Variants in MAMDC2 observed in about 807,000 individuals in gnomAD.
MAMDC2 encodes MAM domain containing 2, also known as MAM domain-containing protein 2.
In MAMDC2, 57 loss-of-function variants were observed where a neutral mutation model predicts 89.8. The observed-to-expected ratio is 0.63, with a 90% CI of 0.51 to 0.79. The LOEUF is 0.79. Among genes scored for constraint, MAMDC2 ranks in the 30% least tolerant of loss-of-function variants. MAMDC2 has a pLI of 0.00. For synonymous variants in MAMDC2, 313 were observed against 293.4 expected, an observed-to-expected ratio of 1.07 and a Z score of -0.68; for missense variants, 800 against 820.6, an observed-to-expected ratio of 0.97 and a Z score of 0.31.
chr9:70,200,078 G>A (rs1563996658), intron 11 of MAMDC2, among the ~76,000 whole-genome samples: 1 of 150,720 alleles, frequency 6.6e-6, no homozygotes, highest in East Asian at 2.0e-4. Flanking sequence ...TGTCAATTTT[G>A]GCTTTTGTTG....
intron 2 of MAMDC2, among the ~76,000 whole-genome samples, chr9:70,077,021 C>T (rs535099418): frequency 6.6e-6 from 1 of 152,218 alleles, no homozygotes; most frequent in South Asian, 2.1e-4. Context: ...TTTTTCTTTA[C>T]TTAAATAATA....
intron 2 of MAMDC2, among the ~76,000 whole-genome samples, chr9:70,079,941 T>C (rs1416847739): frequency 6.6e-6 from 1 of 152,218 alleles, no homozygotes; most frequent in Non-Finnish European, 1.5e-5. Context: ...AGCTTCTTGG[T>C]GGTTAGATGT....
At chr9:70,157,306 T>C (rs1335695871) in intron 9 of MAMDC2, among the ~76,000 whole-genome samples, 15 of 152,246 alleles carry the variant, frequency 9.9e-5, no homozygotes, top group Admixed American at 9.8e-4. Flanking sequence ...TCTGAGCTCA[T>C]AGACCAAATA....
At chr9:70,059,358 G>A (rs543631513) in intron 2 of MAMDC2, among the ~76,000 whole-genome samples, 44 of 151,710 alleles carry the variant, frequency 2.9e-4, no homozygotes, top group African/African-American at 9.0e-4. Flanking sequence ...AGAAACTAGG[G>A]TTTAGATAGT....
rs574714416 is a variant in MAMDC2, at chr9:70,051,158, AC to A, written c.148+6462del. ...TTGAGTTCTCTTGCCTGACCCCTCC[AC>A]TTGAGATTTAACCCAACTGGGGTGG... On this transcript the variant is annotated intron_variant, in intron 2 of 13. Transcript: ENST00000377182. Among the ~76,000 whole-genome samples, 139 of 152,156 alleles carry A rather than the reference AC, an allele frequency of 9.1e-4. 1 individual carries two copies. The highest frequency in any genetic ancestry group is 3.2e-3 in the African/African-American group (134 of 41,520).
chr9:70,207,457 C>T (rs1486554023), intron 11 of MAMDC2, among the ~76,000 whole-genome samples: 1 of 152,122 alleles, frequency 6.6e-6, no homozygotes, highest in Non-Finnish European at 1.5e-5. Context: ...ATATCCTTTG[C>T]CCACTTTTTG....
chr9:70,160,214 GA>G (rs200082583), intron 9 of MAMDC2, among the ~76,000 whole-genome samples: 3 of 146,438 alleles, frequency 2.0e-5, no homozygotes, highest in Admixed American at 6.8e-5. Flanking sequence ...CCTGTCTCCA[GA>G]AAAAAAAAAG....
intron 2 of MAMDC2, 60 bp from the exon 3 acceptor site, chr9:70,108,151 G>A (rs1015278321): frequency 1.7e-5 from 25 of 1,448,402 alleles, no homozygotes; most frequent in East Asian, 7.1e-5. Flanking sequence ...CTGCAGTTAC[G>A]TATTTTTCCA....
At chr9:70,192,485 T>C (rs1927148) in intron 11 of MAMDC2, among the ~76,000 whole-genome samples, 127,786 of 152,066 alleles carry the variant, frequency 0.84, 53,815 homozygotes, top group Admixed American at 0.89. Flanking sequence ...GCCCAAGGCC[T>C]TGCTGTATCT....
chr9:70,221,189 C>T (rs938066774), intron 12 of MAMDC2, among the ~76,000 whole-genome samples: 5 of 149,816 alleles, frequency 3.3e-5, no homozygotes, highest in Non-Finnish European at 5.9e-5. Flanking sequence ...GTGGGGAGGA[C>T]GTAGAAAATG....
At chr9:70,187,096 T>C (rs1484595853) in intron 11 of MAMDC2, among the ~76,000 whole-genome samples, 1 of 152,094 alleles carries the variant, frequency 6.6e-6, no homozygotes, top group Non-Finnish European at 1.5e-5. Flanking sequence ...TTGGGTTTCA[T>C]TAAATTTCTT....
chr9:70,103,079 A>G (rs1828237852), intron 2 of MAMDC2, among the ~76,000 whole-genome samples: 1 of 152,196 alleles, frequency 6.6e-6, no homozygotes, highest in South Asian at 2.1e-4. Context: ...CTCTCCCCAT[A>G]AAAGCAATGA....
At chr9:70,120,306 T>C (rs2118310377) in intron 5 of MAMDC2, among the ~76,000 whole-genome samples, 1 of 152,296 alleles carries the variant, frequency 6.6e-6, no homozygotes, top group East Asian at 1.9e-4. Flanking sequence ...GAACTCTGAT[T>C]ACTTTCATCT....
At chr9:70,091,328 C>T (rs1827896736) in intron 2 of MAMDC2, among the ~76,000 whole-genome samples, 1 of 152,148 alleles carries the variant, frequency 6.6e-6, no homozygotes, top group South Asian at 2.1e-4. Flanking sequence ...AGGCCAAGAG[C>T]TGGACATGTG....
chr9:70,225,403 T>G (rs1474329655), intron 12 of MAMDC2, among the ~76,000 whole-genome samples: 2 of 152,064 alleles, frequency 1.3e-5, no homozygotes, highest in East Asian at 3.9e-4. Flanking sequence ...ACAGACCCTG[T>G]GTGGGTGCTG....
intron 9 of MAMDC2, among the ~76,000 whole-genome samples, chr9:70,166,268 T>TAC (rs1401822378): frequency 2.8e-5 from 1 of 35,450 alleles, no homozygotes; most frequent in African/African-American, 5.3e-5. Flanking sequence ...CAGAAATATA[T>TAC]ATATATATAC....
intron 2 of MAMDC2, among the ~76,000 whole-genome samples, chr9:70,107,392 G>C (rs3015209): frequency 0.064 from 9,659 of 152,050 alleles, 978 homozygotes; most frequent in African/African-American, 0.21. Flanking sequence ...CGGGGAAAGG[G>C]GAATAAGAAG....
At chr9:70,112,101 T>C (rs986392338) in intron 4 of MAMDC2, among the ~76,000 whole-genome samples, 9 of 152,176 alleles carry the variant, frequency 5.9e-5, no homozygotes, top group Admixed American at 1.3e-4. Flanking sequence ...ACAGTCCGGA[T>C]AGGTCAACCT....
At chr9:70,079,063 C>A (rs566592980) in intron 2 of MAMDC2, among the ~76,000 whole-genome samples, 1 of 152,296 alleles carries the variant, frequency 6.6e-6, no homozygotes, top group South Asian at 2.1e-4. Flanking sequence ...AGGGAGCCAT[C>A]TTCTGGAATT....
Sources: allele counts gnomAD v4.1 joint callset (sites outside exome capture counted in the v4.1 genomes callset), GRCh38; gene constraint gnomAD v4.1.1; transcripts MANE v1.5; gene names NCBI Gene and HGNC (gene_info 2026-07-23, HGNC 2026-07-21).